RBFOX2: variants seen among roughly 807,000 people sequenced by gnomAD.
RBFOX2 encodes RNA binding fox-1 homolog 2, also known as RNA binding protein fox-1 homolog 2.
A neutral mutation model predicts 49.1 loss-of-function variants in RBFOX2; 10 were observed. That is an observed-to-expected ratio of 0.20 (90% confidence interval 0.13 to 0.35). The LOEUF (loss-of-function observed/expected upper bound fraction) is 0.35, where lower values mean the gene tolerates loss of function less well. Ranked by LOEUF, RBFOX2 falls within the 10% of genes least tolerant of loss-of-function variation. The pLI, the probability that RBFOX2 is intolerant of heterozygous loss-of-function variation, is 1.00. For synonymous variants in RBFOX2, 183 were observed against 187.4 expected (o/e 0.98, Z 0.19); for missense variants, 323 against 486.9 (o/e 0.66, Z 3.17).
At chr22:35,793,663 C>G (rs1392417746) in intron 2 of RBFOX2, among the ~76,000 whole-genome samples, 1 of 152,124 alleles carries the variant, frequency 6.6e-6, no homozygotes, top group East Asian at 1.9e-4. Flanking sequence ...AGTGAATTTA[C>G]ATTTACTTAG....
At chr22:35,846,122 T>G (rs1261465362) in intron 1 of RBFOX2, among the ~76,000 whole-genome samples, 2 of 150,310 alleles carry the variant, frequency 1.3e-5, no homozygotes, top group Non-Finnish European at 3.0e-5. Context: ...ATAAACTATA[T>G]AAGTATAAAC....
At chr22:35,826,214 T>C (rs1955684258) in intron 1 of RBFOX2, among the ~76,000 whole-genome samples, 1 of 151,120 alleles carries the variant, frequency 6.6e-6, no homozygotes, top group African/African-American at 2.4e-5. Flanking sequence ...TGGTGGCGCA[T>C]GTCTGTAATC....
intron 1 of RBFOX2, among the ~76,000 whole-genome samples, chr22:35,839,910 AGGTAGACAAATC>A (rs1405749642): frequency 6.6e-6 from 1 of 152,176 alleles, no homozygotes; most frequent in African/African-American, 2.4e-5. Flanking sequence ...CAAGACAAAG[AGGTAGACAAATC>A]CCCACAGGGT....
intron 1 of RBFOX2, among the ~76,000 whole-genome samples, chr22:35,867,997 G>T (rs1421825777): frequency 6.6e-6 from 1 of 152,120 alleles, no homozygotes; most frequent in East Asian, 1.9e-4. Context: ...GATCCCTTGA[G>T]CCTAGGAGTT....
intron 1 of RBFOX2, among the ~76,000 whole-genome samples, chr22:35,928,794 G>A (rs896125212): frequency 5.3e-5 from 8 of 152,092 alleles, no homozygotes; most frequent in African/African-American, 1.9e-4. Flanking sequence ...GACCTGAATA[G>A]ACATCTCACC....
At chr22:35,854,894 A>G (rs970576412) in intron 1 of RBFOX2, among the ~76,000 whole-genome samples, 3 of 152,174 alleles carry the variant, frequency 2.0e-5, no homozygotes, top group Non-Finnish European at 4.4e-5. Context: ...TCTTTTACCT[A>G]TAAGACAAAA....
chr22:35,873,671 T>G (rs1044126943), intron 1 of RBFOX2, among the ~76,000 whole-genome samples: 1 of 152,190 alleles, frequency 6.6e-6, no homozygotes, highest in Non-Finnish European at 1.5e-5. Context: ...GAAAAGCCAC[T>G]GCCACTGAGA....
chr22:36,028,103 C>G (rs1270313856), intron 1 of RBFOX2, 137 bp downstream of exon 1: 1 of 1,287,158 alleles, frequency 7.8e-7, no homozygotes, highest in Non-Finnish European at 9.9e-7. Context: ...CACCTTCCAA[C>G]CAGGCCCCGA....
At chr22:35,936,277 CAATTAA>C (rs2053062834) in intron 1 of RBFOX2, among the ~76,000 whole-genome samples, 2 of 147,088 alleles carry the variant, frequency 1.4e-5, no homozygotes, top group South Asian at 4.5e-4. Flanking sequence ...AACAAAAGCA[CAATTAA>C]AATTCACCTT....
chr22:35,785,383 T>C lies in RBFOX2; in HGVS notation c.253-3637A>G, dbSNP rs148304600. On this transcript the variant is annotated intron_variant, in intron 2 of 11. Transcript: ENST00000405409. ...CCTATGAAGTGCATGCCAAACCCGA[T>C]GGCTTGCTGAGCTGATTAAACCAAC... Among the ~76,000 whole-genome samples the C allele has an allele frequency of 1.9e-4, 29 of 152,308 alleles. No homozygotes were observed. The Middle Eastern group carries it at 0.017, about 89-fold the overall frequency.
At chr22:35,981,261 T>C (rs2057444270) in intron 1 of RBFOX2, among the ~76,000 whole-genome samples, 2 of 152,206 alleles carry the variant, frequency 1.3e-5, no homozygotes, top group African/African-American at 2.4e-5. Context: ...CTCAGAGTTA[T>C]ACACAGAATG....
At chr22:35,825,011 G>A (rs1053759421) in intron 1 of RBFOX2, among the ~76,000 whole-genome samples, 3 of 152,202 alleles carry the variant, frequency 2.0e-5, no homozygotes, top group Non-Finnish European at 4.4e-5. Flanking sequence ...CATGAGGTCA[G>A]GAGTTCCAGA....
At chr22:35,848,414 A>T (rs1056047593) in intron 1 of RBFOX2, among the ~76,000 whole-genome samples, 4 of 152,226 alleles carry the variant, frequency 2.6e-5, no homozygotes, top group African/African-American at 9.6e-5. Flanking sequence ...TATAAAACAT[A>T]TAATATAGAC....
chr22:35,967,991 G>A (rs2056660891), intron 1 of RBFOX2, among the ~76,000 whole-genome samples: 1 of 152,094 alleles, frequency 6.6e-6, no homozygotes, highest in Non-Finnish European at 1.5e-5. Context: ...GGAAAAACAT[G>A]TATATGTATA....
chr22:35,912,537 C>T (rs1052129829), intron 1 of RBFOX2, among the ~76,000 whole-genome samples: 8 of 152,198 alleles, frequency 5.3e-5, no homozygotes, highest in Non-Finnish European at 7.3e-5. Flanking sequence ...GGATGAGTAG[C>T]TATTTAGCAT....
At chr22:35,746,851 T>G in intron 9 of RBFOX2, 2 of 291,608 alleles carry the variant, frequency 6.9e-6, no homozygotes, top group East Asian at 1.1e-4. Flanking sequence ...GATATGATTT[T>G]GAATCTGTCT....
intron 1 of RBFOX2, among the ~76,000 whole-genome samples, chr22:35,899,824 A>G (rs575683699): frequency 1.3e-5 from 2 of 152,298 alleles, no homozygotes; most frequent in East Asian, 3.9e-4. Flanking sequence ...TGTGACTGAT[A>G]GCTTATCACC....
intron 1 of RBFOX2, among the ~76,000 whole-genome samples, chr22:35,873,359 T>C (rs2044610212): frequency 1.3e-5 from 2 of 152,032 alleles, no homozygotes. Context: ...CTCGAGCTCC[T>C]GACTTCAAGC....
intron 1 of RBFOX2, among the ~76,000 whole-genome samples, chr22:35,871,891 G>A (rs1603429044): frequency 6.6e-6 from 1 of 152,172 alleles, no homozygotes. Context: ...GACTACTGGC[G>A]AGGCAAGCTC....
Sources: gnomAD v4.1 joint callset for allele counts (sites outside exome capture counted in the v4.1 genomes callset) on GRCh38, gnomAD v4.1.1 for gene constraint, MANE v1.5 for transcripts, NCBI Gene and HGNC (gene_info 2026-07-23, HGNC 2026-07-21) for gene names.